DNAL1: variants seen among roughly 807,000 people sequenced by gnomAD.
DNAL1 encodes dynein axonemal light chain 1, also known as chromosome 14 open reading frame 168.
A neutral mutation model predicts 29.4 loss-of-function variants in DNAL1; 17 were observed. The observed-to-expected ratio is 0.58, with a 90% confidence interval of 0.40 to 0.87. The LOEUF is 0.87. Ranked by LOEUF, DNAL1 falls within the 40% of genes least tolerant of loss-of-function variation. The probability of loss-of-function intolerance (pLI) is 0.00; values close to 1 mark genes in which losing one functional copy is unlikely to be tolerated. For missense variants in DNAL1, 188 were observed against 214.1 expected (o/e 0.88, Z 0.76); for synonymous variants, 78 against 76.3 (o/e 1.02, Z -0.12).
rs1891548529 is a variant in DNAL1, at chr14:73,668,879, G to A, written c.209-2663G>A. On this transcript the variant is annotated intron_variant, in intron 4 of 7. Coordinates refer to ENST00000553645, the MANE Select transcript of DNAL1 (RefSeq NM_031427.4). ...TTTAGTAGAGACAGGGTTTCGCCAT[G>A]TTGGCCAGGCTGGTCTCAAACTCCT... Among the ~76,000 whole-genome samples, 4 of 152,174 alleles carry A rather than the reference G, an allele frequency of 2.6e-5. No individual in the cohort carries two copies. The South Asian group carries it at 6.2e-4, about 24-fold the overall frequency.
chr14:73,649,359 G>T (rs1032923083), intron 1 of DNAL1, among the ~76,000 whole-genome samples: 25 of 150,440 alleles, frequency 1.7e-4, no homozygotes, highest in Non-Finnish European at 3.1e-4. Context: ...CTCGGCTCAC[G>T]GCAAGCTCCG....
Position 73,698,763 on chromosome 14 carries a change from A to C in DNAL1, c.*2821A>C, listed in dbSNP as rs1892363571. 1 of 152,018 alleles carries C rather than the reference A, an allele frequency of 6.6e-6. No homozygotes were observed. Among genetic ancestry groups the C allele is most frequent in the African/African-American group, 2.4e-5 (1 of 41,376 alleles). The allele number at this position is 152,018 out of a possible 1,614,324, so 9.4% of individuals were successfully genotyped here. A position where few individuals can be genotyped will look rare whatever the true frequency, so the allele number is the denominator to read the frequency against. ...CTGGCCAAATTTCTTCTATTCTTGT[A>C]AGTGATGGTAAAACTCTGGAATCAG... On this transcript the variant is annotated 3_prime_UTR_variant, in exon 8 of 8. Coordinates refer to ENST00000553645, the MANE Select transcript of DNAL1 (RefSeq NM_031427.4).
At position 73,678,511 on chromosome 14, in the gene DNAL1, CTTTTTTTT is replaced by C. The variant is rs11379191; in HGVS notation, c.264+6929_264+6936del. Among the ~76,000 whole-genome samples, 5 of 118,172 alleles carry C rather than the reference CTTTTTTTT, an allele frequency of 4.2e-5. No homozygotes were observed. In the Admixed American group the frequency reaches 4.5e-4, roughly 11 times the overall value. 77.5% of individuals were successfully genotyped at this position (118,172 alleles called of 152,430 possible). A position where few individuals can be genotyped will look rare whatever the true frequency, so the allele number is the denominator to read the frequency against. ...TATTCAAATATAGTGAGCAGGTATT[CTTTTTTTT>C]TTTTTTTTTTTTTTAGCAGTGCTAC... On this transcript the variant is annotated intron_variant, in intron 5 of 7. Coordinates refer to ENST00000553645, the MANE Select transcript of DNAL1 (RefSeq NM_031427.4).
At chr14:73,677,531 C>CAT (rs1891764431) in intron 5 of DNAL1, among the ~76,000 whole-genome samples, 2 of 150,146 alleles carry the variant, frequency 1.3e-5, no homozygotes, top group African/African-American at 4.9e-5. Flanking sequence ...TCTTTATAAA[C>CAT]ATATATATAA....
At chr14:73,688,354 A>T (rs1033720177) in intron 6 of DNAL1, among the ~76,000 whole-genome samples, 1 of 152,178 alleles carries the variant, frequency 6.6e-6, no homozygotes, top group Non-Finnish European at 1.5e-5. Context: ...TCTTGCTGGT[A>T]ATCCCAACAA....
At chr14:73,653,333 G>A (rs949438970) in intron 1 of DNAL1, 3 of 152,024 alleles carry the variant, frequency 2.0e-5, no homozygotes, top group African/African-American at 7.3e-5. Context: ...TGGCTGTTTG[G>A]CTCTAATTAA....
intron 2 of DNAL1, among the ~76,000 whole-genome samples, chr14:73,657,672 C>T (rs1347982448): frequency 6.6e-6 from 1 of 152,228 alleles, no homozygotes; most frequent in Non-Finnish European, 1.5e-5. Context: ...CAGCTCACTG[C>T]AACCTCTGCC....
chr14:73,695,500 G>A (rs11624954), intron 7 of DNAL1, among the ~76,000 whole-genome samples: 34,338 of 151,654 alleles, frequency 0.23, 5,057 homozygotes, highest in Non-Finnish European at 0.33. Context: ...TTTTTATTAC[G>A]GCACACTTCA....
At chr14:73,646,929 A>C (rs1355578115) in intron 1 of DNAL1, among the ~76,000 whole-genome samples, 1 of 152,038 alleles carries the variant, frequency 6.6e-6, no homozygotes, top group South Asian at 2.1e-4. Flanking sequence ...AGAAATATTG[A>C]CCCACATAGT....
intron 4 of DNAL1, among the ~76,000 whole-genome samples, chr14:73,669,811 C>A (rs1015300976): frequency 6.6e-6 from 1 of 152,060 alleles, no homozygotes; most frequent in Non-Finnish European, 1.5e-5. Context: ...ATGAATTTTC[C>A]GGGGGACACA....
intron 7 of DNAL1, among the ~76,000 whole-genome samples, chr14:73,694,289 A>AATAAATAAAT (rs1320016357): frequency 6.7e-6 from 1 of 149,862 alleles, no homozygotes; most frequent in African/African-American, 2.5e-5. Context: ...TAAATAAATA[A>AATAAATAAAT]AGTCTTCAGA....
intron 5 of DNAL1, among the ~76,000 whole-genome samples, chr14:73,677,884 T>TTGTGTGTGTGTGTGTGTGTGTGTGTGTG (rs566825653): frequency 1.0e-5 from 1 of 96,130 alleles, no homozygotes; most frequent in Non-Finnish European, 2.2e-5. Context: ...ATATATATAT[T>TTGTGTGTGTGTGTGTGTGTGTGTGTGTG]TGTGTGTGTG....
intron 5 of DNAL1, among the ~76,000 whole-genome samples, chr14:73,672,607 CAAAA>C (rs35746041): frequency 2.7e-5 from 2 of 75,256 alleles, no homozygotes; most frequent in African/African-American, 5.4e-5. Context: ...GACTCTGTCT[CAAAA>C]AAAAAAAAAA....
intron 5 of DNAL1, among the ~76,000 whole-genome samples, chr14:73,674,246 C>T (rs1891678233): frequency 6.6e-6 from 1 of 152,110 alleles, no homozygotes; most frequent in Non-Finnish European, 1.5e-5. Flanking sequence ...CAATTCATTC[C>T]CACCTGAGAA....
In DNAL1 at chr14:73,678,628, A is replaced by G. The variant is rs1042968975; in HGVS notation, c.264+7031A>G. On this transcript the variant is annotated intron_variant, in intron 5 of 7. Transcript: ENST00000553645. ...TGAGACAGGCAGTTTGTCAATAGCT[A>G]TCACAATATTCAATGTGTATTTCTT... 2.0e-5 allele frequency among the ~76,000 whole-genome samples: 3 copies of G among 151,110 alleles called. No homozygotes were observed. The East Asian group carries it at 5.8e-4, about 29-fold the overall frequency.
intron 5 of DNAL1, among the ~76,000 whole-genome samples, chr14:73,684,319 G>C (rs889735479): frequency 2.0e-5 from 3 of 152,152 alleles, no homozygotes; most frequent in African/African-American, 7.2e-5. Context: ...ATACCCTGTA[G>C]TGAGATTGCT....
chr14:73,656,024 G>T (rs923183054), intron 2 of DNAL1, among the ~76,000 whole-genome samples: 1 of 152,032 alleles, frequency 6.6e-6, no homozygotes, highest in African/African-American at 2.4e-5. Context: ...GTTGTCAGTA[G>T]TTTTTTTGCA....
chr14:73,683,627 C>A (rs76988739), intron 5 of DNAL1, among the ~76,000 whole-genome samples: 1 of 151,394 alleles, frequency 6.6e-6, no homozygotes, highest in Non-Finnish European at 1.5e-5. Context: ...CCCCCCACCC[C>A]CCTCTCCAGT....
chr14:73,654,965 T>C, intron 2 of DNAL1, 80 bp downstream of exon 2: 1 of 1,369,226 alleles, frequency 7.3e-7, no homozygotes. Context: ...AGCTATTTAA[T>C]ACAAAGGATC....
Sources: allele counts gnomAD v4.1 joint callset (sites outside exome capture counted in the v4.1 genomes callset), GRCh38; gene constraint gnomAD v4.1.1; transcripts MANE v1.5; gene names NCBI Gene and HGNC (gene_info 2026-07-23, HGNC 2026-07-21).